Variants in DNM2 observed in about 807,000 individuals in gnomAD.
DNM2 encodes dynamin-2.
DNM2 carries 15 observed loss-of-function variants against 99.0 expected under a neutral mutation model. That is an observed-to-expected ratio of 0.15 (90% CI 0.10 to 0.23). The LOEUF is 0.23. DNM2 is among the 10% of genes least tolerant of loss of function. DNM2 has a pLI of 1.00. For synonymous variants in DNM2, 525 were observed against 481.2 expected, an observed-to-expected ratio of 1.09 and a Z score of -1.19; for missense variants, 742 against 1,189.4, an observed-to-expected ratio of 0.62 and a Z score of 5.53.
chr19:10,734,505 G>A (rs2069450185), intron 1 of DNM2, among the ~76,000 whole-genome samples: 1 of 151,316 alleles, frequency 6.6e-6, no homozygotes, highest in South Asian at 2.1e-4. Context: ...TTGGCCTGGT[G>A]GTGCTCACCT....
rs200843089 is a variant in DNM2 at position 10,823,781 on chromosome 19, C to G, written c.1782-7C>G. 5 of 1,613,500 alleles carry G rather than the reference C, an allele frequency of 3.1e-6. No individual in the cohort carries two copies. Among genetic ancestry groups the G allele is most frequent in the South Asian group, 1.1e-5 (1 of 91,084 alleles). ...GCTTGTGCCCCTCCTTCCCCACCCC[C>G]CCGCAGAAACGTCTACAAGGACCTG... On this transcript the variant is annotated splice_polypyrimidine_tract_variant and splice_region_variant and intron_variant, in intron 16 of 20. Transcript: ENST00000389253.
intron 17 of DNM2, 169 bp downstream of exon 17, chr19:10,824,068 C>T (rs2073067928): frequency 3.1e-6 from 2 of 649,816 alleles, no homozygotes; most frequent in East Asian, 5.6e-5. Flanking sequence ...GGTACTTTGT[C>T]ATCAGGGCCC....
intron 1 of DNM2, among the ~76,000 whole-genome samples, chr19:10,743,500 T>C (rs1362722884): frequency 1.3e-5 from 2 of 151,256 alleles, no homozygotes; most frequent in Non-Finnish European, 2.9e-5. Context: ...ACCCCGTCTC[T>C]ACTAAAAATA....
intron 13 of DNM2, among the ~76,000 whole-genome samples, chr19:10,807,279 T>C (rs1241746011): frequency 2.0e-5 from 3 of 151,920 alleles, no homozygotes; most frequent in African/African-American, 7.3e-5. Context: ...CCTTGCTCTG[T>C]GTCCCAGCTG....
Position 10,777,133 on chromosome 19 carries a change from G to C in DNM2, c.605G>C (p.Gly202Ala). The part of the protein sequence containing the change: ...EVDPQGLRTI[G>A]VITKLDLMDE... ...GCTCTTTCAGGCCTACGGACCATCGGTGTCATCACCAAGCTTGACCTGATG... is the reference window on the plus strand; with the variant it reads ...GCTCTTTCAGGCCTACGGACCATCGCTGTCATCACCAAGCTTGACCTGATG... The change falls in exon 5 of 21, where the codon GGT becomes GCT. Residue 202 changes from glycine (G) to alanine (A), a missense_variant. By Grantham distance (60) the Gly-to-Ala change is moderately conservative. This residue lies in a region of DNM2 where 192 missense variants were observed against 358.9 expected (regional missense o/e 0.54). Coordinates refer to ENST00000389253, the MANE Select transcript of DNM2 (RefSeq NM_001005361.3). 6.2e-7 allele frequency: 1 copy of C among 1,614,186 alleles called. No homozygotes were observed. The highest frequency in any genetic ancestry group is 1.7e-5 in the Admixed American group (1 of 60,006).
At chr19:10,798,884 C>G (rs1478637400) in intron 11 of DNM2, among the ~76,000 whole-genome samples, 4 of 152,126 alleles carry the variant, frequency 2.6e-5, no homozygotes, top group African/African-American at 9.7e-5. Context: ...GTTCCGTCAC[C>G]TCCTAAAATC....
rs759681218 is a variant in DNM2, at chr19:10,796,203, T to C, written c.1196+764T>C. 1 of 1,614,014 alleles carries C rather than the reference T, an allele frequency of 6.2e-7. No homozygotes were observed. Among genetic ancestry groups the C allele is most frequent in the Non-Finnish European group, 8.5e-7 (1 of 1,180,022 alleles). On this transcript the variant is annotated intron_variant, in intron 9 of 20. Coordinates refer to ENST00000389253, the MANE Select transcript of DNM2 (RefSeq NM_001005361.3). The surrounding 1 kb of genome is among the most constrained non-coding windows in gnomAD (Gnocchi z 5.6). ...AGTTAGGCAGTGTACCAGTAAGGTA[T>C]TGCTCCCTCGGCAGGGTGACTCCTG...
intron 1 of DNM2, among the ~76,000 whole-genome samples, chr19:10,731,101 C>G (rs1345986324): frequency 6.6e-6 from 1 of 152,112 alleles, no homozygotes; most frequent in Non-Finnish European, 1.5e-5. Context: ...AGGAGCAGCC[C>G]CAGCCAGGGT....
intron 6 of DNM2, among the ~76,000 whole-genome samples, chr19:10,783,898 A>C (rs1190688575): frequency 6.6e-6 from 1 of 151,820 alleles, no homozygotes; most frequent in Non-Finnish European, 1.5e-5. Context: ...ATGGAGTTTC[A>C]CCATGTTGGC....
At chr19:10,729,127 T>G (rs1220225795) in intron 1 of DNM2, among the ~76,000 whole-genome samples, 1 of 93,986 alleles carries the variant, frequency 1.1e-5, no homozygotes, top group East Asian at 3.4e-4. Flanking sequence ...ATCGCACCAC[T>G]GCACTCCAGC....
chr19:10,718,596 G>A (rs1307847164), intron 1 of DNM2, 193 bp downstream of exon 1: 1 of 843,632 alleles, frequency 1.2e-6, no homozygotes, highest in African/African-American at 1.8e-5. Flanking sequence ...CTCCGGAGCA[G>A]GCCCGGGCCC....
At chr19:10,762,619 C>T (rs1395142502) in intron 2 of DNM2, among the ~76,000 whole-genome samples, 1 of 152,214 alleles carries the variant, frequency 6.6e-6, no homozygotes, top group South Asian at 2.1e-4. Context: ...CAGGCCTACC[C>T]AGTACCTGAC....
At chr19:10,745,542 A>G (rs1429761937) in intron 1 of DNM2, among the ~76,000 whole-genome samples, 1 of 152,080 alleles carries the variant, frequency 6.6e-6, no homozygotes, top group Admixed American at 6.6e-5. Flanking sequence ...ACACAAATAA[A>G]AAAAGTTAGC....
intron 5 of DNM2, among the ~76,000 whole-genome samples, chr19:10,779,474 T>TTTTCTTTC (rs1313806747): frequency 9.0e-5 from 11 of 122,438 alleles, no homozygotes; most frequent in South Asian, 3.2e-4. Flanking sequence ...TTATAAGTTT[T>TTTTCTTTC]TTTCTTTCTT....
chr19:10,756,013 A>G lies in DNM2; in HGVS notation c.162-3725A>G, dbSNP rs142434385. ...AAGATGCCAAGTGTCCCTGCCCCTC[A>G]GGTCCCTACCTGTGAGCTAGGTGGC... On this transcript the variant is annotated intron_variant, in intron 1 of 20. Coordinates refer to ENST00000389253, the MANE Select transcript of DNM2 (RefSeq NM_001005361.3). 1.9e-3 allele frequency among the ~76,000 whole-genome samples: 288 copies of G among 152,240 alleles called. 1 individual carries two copies. Among genetic ancestry groups the G allele is most frequent in the Non-Finnish European group, 3.4e-3 (233 of 68,016 alleles).
chr19:10,785,214 T>C (rs2029944951), intron 6 of DNM2, among the ~76,000 whole-genome samples: 3 of 152,020 alleles, frequency 2.0e-5, no homozygotes, highest in Non-Finnish European at 4.4e-5. Context: ...GTCTCCCGGG[T>C]TCACACCATT....
At chr19:10,737,631 G>C (rs150976518) in intron 1 of DNM2, among the ~76,000 whole-genome samples, 2 of 152,154 alleles carry the variant, frequency 1.3e-5, no homozygotes, top group Non-Finnish European at 2.9e-5. Context: ...GATTACAGGC[G>C]CACGTCAACA....
Position 10,823,848 on chromosome 19 carries a change from C to A in DNM2, c.1842C>A (p.Asp614Glu), listed in dbSNP as rs1343551031. Residue 614 changes from aspartate to glutamate, a missense_variant, in exon 17 of 21, where the codon GAC becomes GAA. Asp to Glu is a conservative substitution (Grantham distance 45). Around this residue, in one of 7 missense-constraint regions of DNM2, gnomAD observed 240 missense variants for 431.3 expected, o/e 0.56. Coordinates refer to ENST00000389253, the MANE Select transcript of DNM2 (RefSeq NM_001005361.3). ...CCTGTGACTCCCAGGAAGACGTGGA[C>A]AGCTGGAAGGCCTCGTTCCTCCGAG... ...ELACDSQEDV[D>E]SWKASFLRAG... The A allele has an allele frequency of 6.2e-7, 1 of 1,613,846 alleles. No homozygotes were observed. The highest frequency in any genetic ancestry group is 8.5e-7 in the Non-Finnish European group (1 of 1,180,010).
chr19:10,743,973 G>A (rs772071101), intron 1 of DNM2, among the ~76,000 whole-genome samples: 53 of 149,360 alleles, frequency 3.5e-4, no homozygotes, highest in Non-Finnish European at 6.1e-4. Flanking sequence ...GCAGCAGAGC[G>A]AGACTGTTTC....
Sources: allele counts gnomAD v4.1 joint callset (sites outside exome capture counted in the v4.1 genomes callset), GRCh38; gene constraint gnomAD v4.1.1; regional missense constraint gnomAD v4.1.1; non-coding constraint Gnocchi (gnomAD v3.1); transcripts MANE v1.5; gene names NCBI Gene and HGNC (gene_info 2026-07-23, HGNC 2026-07-21).